MECOM: variants seen among roughly 807,000 people sequenced by gnomAD.
The protein encoded by MECOM is MDS1 and EVI1 complex locus.
Under a neutral mutation model 116.3 loss-of-function variants are expected in MECOM, and 13 were observed. The ratio of observed to expected loss-of-function variants is 0.11; its 90% CI spans 0.07 to 0.18. MECOM has a LOEUF of 0.18. MECOM is among the 10% of genes least tolerant of loss of function. The pLI is 1.00. For synonymous variants in MECOM, 528 were observed against 535.2 expected, an observed-to-expected ratio of 0.99 and a Z score of 0.19; for missense variants, 1,299 against 1,509.0, an observed-to-expected ratio of 0.86 and a Z score of 2.31.
intron 1 of MECOM, among the ~76,000 whole-genome samples, chr3:169,632,390 G>A (rs568646856): frequency 4.8e-5 from 7 of 145,864 alleles, no homozygotes; most frequent in South Asian, 4.5e-4. Context: ...GTAATACTTC[G>A]GAGAAAAAAA....
chr3:169,228,940 G>T (rs1237749215), intron 2 of MECOM, among the ~76,000 whole-genome samples: 1 of 152,156 alleles, frequency 6.6e-6, no homozygotes, highest in African/African-American at 2.4e-5. Flanking sequence ...GGCTCACTGG[G>T]TGTGATAACA....
At chr3:169,318,925 C>T (rs1421020139) in intron 2 of MECOM, among the ~76,000 whole-genome samples, 1 of 151,898 alleles carries the variant, frequency 6.6e-6, no homozygotes, top group Admixed American at 6.6e-5. Flanking sequence ...ATGGTGAAAC[C>T]TCGTCGCTAT....
At chr3:169,121,798 G>A (rs1369765883) in intron 6 of MECOM, among the ~76,000 whole-genome samples, 1 of 150,412 alleles carries the variant, frequency 6.6e-6, no homozygotes, top group Non-Finnish European at 1.5e-5. Flanking sequence ...ATTTTTATGA[G>A]AAAAAAACAT....
chr3:169,163,765 T>C (rs975518155), intron 2 of MECOM, among the ~76,000 whole-genome samples: 11 of 152,212 alleles, frequency 7.2e-5, no homozygotes, highest in African/African-American at 1.9e-4. Context: ...AAAGATACTA[T>C]GTCCTTGGTA....
At chr3:169,354,450 T>G (rs1201741763) in intron 2 of MECOM, among the ~76,000 whole-genome samples, 1 of 152,074 alleles carries the variant, frequency 6.6e-6, no homozygotes, top group Non-Finnish European at 1.5e-5. Flanking sequence ...TATTTCCATA[T>G]TTATGTATTA....
At chr3:169,257,713 T>C (rs1158478832) in intron 2 of MECOM, among the ~76,000 whole-genome samples, 1 of 152,202 alleles carries the variant, frequency 6.6e-6, no homozygotes, top group Non-Finnish European at 1.5e-5. Flanking sequence ...CCTTTTTCTT[T>C]CCCTTTTTTC....
chr3:169,350,315 C>T (rs1726104525), intron 2 of MECOM, among the ~76,000 whole-genome samples: 1 of 151,950 alleles, frequency 6.6e-6, no homozygotes, highest in Admixed American at 6.6e-5. Flanking sequence ...TGACCTTGAG[C>T]AAGTAACTGA....
At position 169,654,021 on chromosome 3, in the gene MECOM, G is replaced by C. The variant is rs192496960; in HGVS notation, c.37+9315C>G. 1.7e-3 allele frequency among the ~76,000 whole-genome samples: 259 copies of C among 152,282 alleles called. 1 individual carries two copies. The highest frequency in any genetic ancestry group is 0.01 in the Middle Eastern group (3 of 294). On this transcript the variant is annotated intron_variant, in intron 1 of 16. Transcript: ENST00000651503. ...AATGAGGTGATAACTCATTGATAAT[G>C]CTTATATGCATGGTTCATCACTACT...
chr3:169,338,516 G>A (rs1723951461), intron 2 of MECOM, among the ~76,000 whole-genome samples: 1 of 151,958 alleles, frequency 6.6e-6, no homozygotes, highest in African/African-American at 2.4e-5. Context: ...TCAGAAAACT[G>A]GAGTAATTTA....
chr3:169,193,817 T>G (rs1028466883), intron 2 of MECOM, among the ~76,000 whole-genome samples: 1 of 152,024 alleles, frequency 6.6e-6, no homozygotes, highest in Non-Finnish European at 1.5e-5. Flanking sequence ...CTATGGTTAG[T>G]GTTAGTTTAA....
intron 2 of MECOM, among the ~76,000 whole-genome samples, chr3:169,358,161 TG>T (rs1727589466): frequency 6.6e-6 from 1 of 151,780 alleles, no homozygotes; most frequent in Admixed American, 6.6e-5. Context: ...TTTCTTCTTT[TG>T]GCATATTGTC....
At chr3:169,407,719 A>G (rs1040444670) in intron 1 of MECOM, among the ~76,000 whole-genome samples, 9 of 152,230 alleles carry the variant, frequency 5.9e-5, no homozygotes, top group Non-Finnish European at 1.2e-4. Context: ...TAGGAGAGGA[A>G]AGAAATACCT....
intron 2 of MECOM, among the ~76,000 whole-genome samples, chr3:169,304,803 T>C (rs939272041): frequency 6.6e-6 from 1 of 152,230 alleles, no homozygotes; most frequent in African/African-American, 2.4e-5. Context: ...TTTAACTTCC[T>C]CTGTTTTGTC....
chr3:169,403,500 T>C (rs932321039), intron 1 of MECOM, among the ~76,000 whole-genome samples: 8 of 152,354 alleles, frequency 5.3e-5, no homozygotes, highest in Non-Finnish European at 1.2e-4. Context: ...ATTTTCTCTA[T>C]GCACACAAAG....
At chr3:169,389,417 C>T (rs531217331) in intron 1 of MECOM, 8 of 286,688 alleles carry the variant, frequency 2.8e-5, no homozygotes, top group South Asian at 1.3e-4. Flanking sequence ...AAGGAGCCAC[C>T]GTCACCAATA....
chr3:169,231,055 C>T lies in MECOM; in HGVS notation c.376-87223G>A, dbSNP rs917450920. On this transcript the variant is annotated intron_variant, in intron 2 of 16. Transcript: ENST00000651503. ...GAAGCATGCCCTCTACAAAAGATTC[C>T]CAAAATATTCTTGGTGGAAATAAAA... Among the ~76,000 whole-genome samples, 5 of 151,992 alleles carry T rather than the reference C, an allele frequency of 3.3e-5. No individual in the cohort carries two copies. The East Asian group carries it at 9.7e-4, about 29-fold the overall frequency.
chr3:169,171,258 T>C (rs1270383564), intron 2 of MECOM, among the ~76,000 whole-genome samples: 1 of 152,168 alleles, frequency 6.6e-6, no homozygotes, highest in Non-Finnish European at 1.5e-5. Flanking sequence ...ACTGAATATA[T>C]GAGAATGAAT....
intron 1 of MECOM, among the ~76,000 whole-genome samples, chr3:169,601,707 A>G (rs1314622022): frequency 6.6e-6 from 1 of 152,240 alleles, no homozygotes; most frequent in East Asian, 1.9e-4. Flanking sequence ...CTTAGAAGAC[A>G]TGAAAATGTG....
Position 169,453,921 on chromosome 3 carries a change from A to T in MECOM, c.38-72397T>A, listed in dbSNP as rs193014219. Among the ~76,000 whole-genome samples the T allele has an allele frequency of 6.9e-3, 933 of 135,574 alleles. 7 individuals carry two copies. The highest frequency in any genetic ancestry group is 0.023 in the African/African-American group (885 of 38,630). The allele number at this position is 135,574 out of a possible 152,430, so 88.9% of individuals were successfully genotyped here. A position where few individuals can be genotyped will look rare whatever the true frequency, so the allele number is the denominator to read the frequency against. ...AATAAGGCTAAAAGCAATGGATAAT[A>T]AAAAAAAAACTCTGTTATCAGAGTC... is the stretch of plus-strand genomic sequence containing the variant. On this transcript the variant is annotated intron_variant, in intron 1 of 16. Transcript: ENST00000651503.
Sources: allele counts gnomAD v4.1 joint callset (sites outside exome capture counted in the v4.1 genomes callset), GRCh38; gene constraint gnomAD v4.1.1; transcripts MANE v1.5; gene names NCBI Gene and HGNC (gene_info 2026-07-23, HGNC 2026-07-21).